Variants in USP6NL observed in about 807,000 individuals in gnomAD.
The protein encoded by USP6NL is USP6 N-terminal like.
In USP6NL, 26 loss-of-function variants were observed where a neutral mutation model predicts 61.9. The ratio of observed to expected loss-of-function variants is 0.42; its 90% CI spans 0.31 to 0.58. The LOEUF is 0.58. USP6NL is among the 20% of genes least tolerant of loss of function. USP6NL has a pLI of 0.16. For missense variants in USP6NL, 1,114 were observed against 1,034.3 expected (o/e 1.08, Z -1.06); for synonymous variants, 432 against 390.1 (o/e 1.11, Z -1.27).
At chr10:11,526,762 G>C (rs907300234) in intron 3 of USP6NL, among the ~76,000 whole-genome samples, 1 of 152,080 alleles carries the variant, frequency 6.6e-6, no homozygotes, top group African/African-American at 2.4e-5. Flanking sequence ...ATCACTGCTA[G>C]GACTCATTAT....
intron 13 of USP6NL, among the ~76,000 whole-genome samples, chr10:11,483,256 T>C (rs1393675609): frequency 6.6e-6 from 1 of 152,044 alleles, no homozygotes. Context: ...TACGGTAGCA[T>C]GTAAAGCAGT....
chr10:11,607,033 A>C (rs1838727378), intron 1 of USP6NL, among the ~76,000 whole-genome samples: 1 of 152,092 alleles, frequency 6.6e-6, no homozygotes, highest in African/African-American at 2.4e-5. Flanking sequence ...CATGTGATCC[A>C]CCCACCTGGC....
intron 2 of USP6NL, among the ~76,000 whole-genome samples, chr10:11,580,456 CA>C (rs1003181894): frequency 4.0e-5 from 6 of 151,088 alleles, no homozygotes; most frequent in African/African-American, 9.7e-5. Context: ...TTTATAATTG[CA>C]AAAAAAATGG....
rs994909412 is a variant in USP6NL at position 11,510,883 on chromosome 10, A to C, written c.196-1208T>G. 6.6e-6 allele frequency among the ~76,000 whole-genome samples: 1 copy of C among 152,112 alleles called. No individual in the cohort carries two copies. Among genetic ancestry groups the C allele is most frequent in the Non-Finnish European group, 1.5e-5 (1 of 68,010 alleles). ...AGGCAAGCCTGGCTCCAGGACGTAC[A>C]CTCTGAGCCACCACATCTCTGGCTC... On this transcript the variant is annotated intron_variant, in intron 5 of 14. Coordinates refer to ENST00000609104, the MANE Select transcript of USP6NL (RefSeq NM_014688.5). This position sits in a 1 kb window ranked among gnomAD's most constrained non-coding sequence, Gnocchi z 4.8.
At chr10:11,539,977 A>G (rs1464803385) in intron 2 of USP6NL, among the ~76,000 whole-genome samples, 1 of 152,246 alleles carries the variant, frequency 6.6e-6, no homozygotes. Context: ...AGGACTTAAA[A>G]GCCAGGCTGT....
At chr10:11,552,630 T>C (rs1335113624) in intron 2 of USP6NL, among the ~76,000 whole-genome samples, 1 of 152,226 alleles carries the variant, frequency 6.6e-6, no homozygotes, top group Non-Finnish European at 1.5e-5. Flanking sequence ...CTCTTTTATA[T>C]TGGTGTAACA....
At chr10:11,537,000 A>C (rs1835859948) in intron 2 of USP6NL, among the ~76,000 whole-genome samples, 1 of 152,222 alleles carries the variant, frequency 6.6e-6, no homozygotes, top group Admixed American at 6.5e-5. Context: ...AGATATGTGA[A>C]AGACCCAGTG....
At chr10:11,479,745 T>C (rs1458048535) in intron 14 of USP6NL, among the ~76,000 whole-genome samples, 1 of 151,958 alleles carries the variant, frequency 6.6e-6, no homozygotes, top group Non-Finnish European at 1.5e-5. Context: ...CCGACTAATT[T>C]GTTGTATTTT....
intron 2 of USP6NL, among the ~76,000 whole-genome samples, chr10:11,531,332 T>C (rs1015587217): frequency 6.6e-6 from 1 of 152,166 alleles, no homozygotes; most frequent in African/African-American, 2.4e-5. Context: ...TTTTTCTTTT[T>C]TTCTTTTTGA....
chr10:11,542,395 A>T (rs1836100777), intron 2 of USP6NL, among the ~76,000 whole-genome samples: 1 of 152,214 alleles, frequency 6.6e-6, no homozygotes, highest in South Asian at 2.1e-4. Flanking sequence ...AGTTTTAGGT[A>T]CAAAACAACG....
intron 1 of USP6NL, among the ~76,000 whole-genome samples, chr10:11,610,908 C>A (rs560458668): frequency 3.3e-5 from 5 of 152,096 alleles, no homozygotes; most frequent in Non-Finnish European, 7.4e-5. Context: ...CCGCACCAGC[C>A]TAGGGTTGTG....
chr10:11,484,436 T>C (rs897699424), intron 13 of USP6NL, among the ~76,000 whole-genome samples: 12 of 151,870 alleles, frequency 7.9e-5, no homozygotes, highest in Admixed American at 6.6e-4. Context: ...TATCTGCCTA[T>C]AGACACTGGC....
intron 6 of USP6NL, among the ~76,000 whole-genome samples, chr10:11,501,429 T>C (rs1205983604): frequency 6.6e-6 from 1 of 152,220 alleles, no homozygotes; most frequent in Non-Finnish European, 1.5e-5. Flanking sequence ...CAAGAAATTG[T>C]TAAGAATGCC....
rs567679452 is a variant in USP6NL at position 11,510,216 on chromosome 10, G to A, written c.196-541C>T. 1.4e-4 allele frequency among the ~76,000 whole-genome samples: 21 copies of A among 152,260 alleles called. No individual in the cohort carries two copies. Among genetic ancestry groups the A allele is most frequent in the African/African-American group, 4.8e-4 (20 of 41,548 alleles). On this transcript the variant is annotated intron_variant, in intron 5 of 14. Coordinates refer to ENST00000609104, the MANE Select transcript of USP6NL (RefSeq NM_014688.5). This position sits in a 1 kb window ranked among gnomAD's most constrained non-coding sequence, Gnocchi z 4.8. The stretch of plus-strand genomic sequence containing the variant: ...TAAAGAAATTTGACCAGGTGCTAAG[G>A]ACAATGGACAAGGAACACACTGCGT...
chr10:11,533,898 C>T (rs1835745332), intron 2 of USP6NL, among the ~76,000 whole-genome samples: 1 of 152,178 alleles, frequency 6.6e-6, no homozygotes, highest in African/African-American at 2.4e-5. Flanking sequence ...GACAAAGACG[C>T]TCCTTGACCA....
intron 2 of USP6NL, 38 bp from the exon 3 acceptor site, chr10:11,527,605 G>A (rs1299405152): frequency 1.3e-6 from 2 of 1,548,958 alleles, no homozygotes; most frequent in Admixed American, 1.8e-5. Context: ...AATTGTCATT[G>A]AAAGAATCGT....
At chr10:11,514,677 A>T (rs1834879361) in intron 5 of USP6NL, among the ~76,000 whole-genome samples, 2 of 152,184 alleles carry the variant, frequency 1.3e-5, no homozygotes, top group South Asian at 4.1e-4. Context: ...CCCAACCTGC[A>T]GTCAGCCATC....
intron 2 of USP6NL, among the ~76,000 whole-genome samples, chr10:11,534,310 T>C (rs1219132987): frequency 6.6e-6 from 1 of 152,232 alleles, no homozygotes; most frequent in Non-Finnish European, 1.5e-5. Flanking sequence ...CCAACTGCAA[T>C]GGTCCTGAAT....
At chr10:11,519,358 G>T (rs555339026) in intron 4 of USP6NL, among the ~76,000 whole-genome samples, 1 of 152,196 alleles carries the variant, frequency 6.6e-6, no homozygotes, top group Non-Finnish European at 1.5e-5. Flanking sequence ...GGCTGGGTGC[G>T]GTGGCTCACG....
Sources: allele counts gnomAD v4.1 joint callset (sites outside exome capture counted in the v4.1 genomes callset), GRCh38; gene constraint gnomAD v4.1.1; non-coding constraint Gnocchi (gnomAD v3.1); transcripts MANE v1.5; gene names NCBI Gene and HGNC (gene_info 2026-07-23, HGNC 2026-07-21).